CEP44: variants seen among roughly 807,000 people sequenced by gnomAD.
CEP44 encodes centrosomal protein 44, also known as centrosomal protein of 44 kDa.
CEP44 carries 45 observed loss-of-function variants against 46.7 expected under a neutral mutation model. The ratio of observed to expected loss-of-function variants is 0.96; its 90% CI spans 0.76 to 1.24. CEP44 has a LOEUF of 1.24. CEP44 is among the 50% of genes most tolerant of loss of function. The probability of loss-of-function intolerance (pLI) is 0.00; values close to 1 mark genes in which losing one functional copy is unlikely to be tolerated. For synonymous variants in CEP44, 142 were observed against 146.0 expected, an observed-to-expected ratio of 0.97 and a Z score of 0.20; for missense variants, 475 against 459.7, an observed-to-expected ratio of 1.03 and a Z score of -0.30.
intron 1 of CEP44, among the ~76,000 whole-genome samples, chr4:174,285,266 T>C (rs1042565448): frequency 1.3e-5 from 2 of 152,234 alleles, no homozygotes; most frequent in Non-Finnish European, 2.9e-5. Context: ...ACATAAGTAA[T>C]AGATTGGCTT....
chr4:174,322,411 T>C (rs1318528269), downstream of CEP44, among the ~76,000 whole-genome samples: 2 of 152,114 alleles, frequency 1.3e-5, no homozygotes, highest in African/African-American at 4.8e-5. Context: ...CTACTCATCA[T>C]AGGGGCTTCA....
At chr4:174,333,192 TAGAG>T (rs1731394260) in exon 9 of CEP44, 1 of 144,836 alleles carries the variant, frequency 6.9e-6, no homozygotes, top group South Asian at 2.3e-4. Flanking sequence ...GGTGGTTAAT[TAGAG>T]AGCGTAAAAG....
rs1276843053 is a variant in CEP44, at chr4:174,301,963, TTTC to T, written c.90-73_90-71del. 7.9e-7 allele frequency: 1 copy of T among 1,272,062 alleles called. No individual in the cohort carries two copies. Among genetic ancestry groups the T allele is most frequent in the African/African-American group, 1.5e-5 (1 of 65,554 alleles). The allele number at this position is 1,272,062 out of a possible 1,614,324, so 78.8% of individuals were successfully genotyped here. The stretch of plus-strand genomic sequence containing the variant: ...AAATTATTATAAACATTTCTAATAT[TTTC>T]TTGATTATCCAACTTTGTGGAATTA... On this transcript the variant is annotated intron_variant, in intron 3 of 11. Coordinates refer to ENST00000503780, the MANE Select transcript of CEP44 (RefSeq NM_001040157.3). This position sits in a 1 kb window ranked among gnomAD's most constrained non-coding sequence, Gnocchi z 4.3.
rs1281995758 is a variant in CEP44 at position 174,326,353 on chromosome 4, T to A, written c.1087-5129T>A. 6.6e-6 allele frequency among the ~76,000 whole-genome samples: 1 copy of A among 151,454 alleles called. No individual in the cohort carries two copies. Among genetic ancestry groups the A allele is most frequent in the Non-Finnish European group, 1.5e-5 (1 of 67,928 alleles). On this transcript the variant is annotated intron_variant, in intron 8 of 8. Coordinates refer to the CEP44 transcript ENST00000426172. The surrounding 1 kb of genome is among the most constrained non-coding windows in gnomAD (Gnocchi z 4.8). ...TTCAGTATATATATTTAACTTAATATAGGCTACCTTCAAATATTATACTAC... is the reference window on the plus strand; with the variant it reads ...TTCAGTATATATATTTAACTTAATAAAGGCTACCTTCAAATATTATACTAC...
chr4:174,285,396 T>G (rs966022432), intron 1 of CEP44: 4 of 152,260 alleles, frequency 2.6e-5, no homozygotes, highest in Middle Eastern at 3.4e-3. Context: ...TTAAATCCCT[T>G]TATTTTTCTG....
chr4:174,304,243 T>G lies in CEP44; in HGVS notation c.385-4T>G. The G allele has an allele frequency of 6.3e-7, 1 of 1,577,708 alleles. No homozygotes were observed. Among genetic ancestry groups the G allele is most frequent in the Non-Finnish European group, 8.5e-7 (1 of 1,170,626 alleles). On this transcript the variant is annotated splice_region_variant and splice_polypyrimidine_tract_variant and intron_variant, in intron 5 of 11. Transcript: ENST00000503780. ...GTTATTTTGACTAATACCTTTTTTT[T>G]TAGATTCCATCACAACAAAGAAAGA...
intron 1 of CEP44, among the ~76,000 whole-genome samples, chr4:174,294,599 C>T (rs1738638277): frequency 1.3e-5 from 2 of 152,058 alleles, no homozygotes; most frequent in East Asian, 3.9e-4. Context: ...AGAGGGGCTC[C>T]TCACTTCCCA....
chr4:174,300,273 G>A (rs1739561908), intron 3 of CEP44, among the ~76,000 whole-genome samples: 2 of 152,104 alleles, frequency 1.3e-5, no homozygotes, highest in South Asian at 2.1e-4. Flanking sequence ...AGGAGAGTAA[G>A]GAGAAAGTTT....
intron 1 of CEP44, chr4:174,285,444 A>G (rs1178024373): frequency 6.6e-6 from 1 of 152,116 alleles, no homozygotes; most frequent in Non-Finnish European, 1.5e-5. Flanking sequence ...CTCTGCTTGT[A>G]TTACTCTTCA....
chr4:174,320,756 G>T (rs940976613), downstream of CEP44, among the ~76,000 whole-genome samples: 2 of 151,210 alleles, frequency 1.3e-5, no homozygotes, highest in Non-Finnish European at 3.0e-5. Context: ...GGGGCAGCTT[G>T]TATCTTATTT....
In CEP44 at chr4:174,310,763, A is replaced by G. The variant is rs1159450556; in HGVS notation, c.886-20A>G. On this transcript the variant is annotated intron_variant, in intron 8 of 11. Coordinates refer to ENST00000503780, the MANE Select transcript of CEP44 (RefSeq NM_001040157.3). This position sits in a 1 kb window ranked among gnomAD's most constrained non-coding sequence, Gnocchi z 4.2. ...TTTTTCTTTTTATTTCATTCTAAAT[A>G]TTTAACTGTGTTATTCCAGAATGAT... The G allele has an allele frequency of 8.6e-7, 1 of 1,156,546 alleles. No homozygotes were observed. The highest frequency in any genetic ancestry group is 2.4e-5 in the East Asian group (1 of 41,886). 71.6% of individuals were successfully genotyped at this position (1,156,546 alleles called of 1,614,324 possible). A position where few individuals can be genotyped will look rare whatever the true frequency, so the allele number is the denominator to read the frequency against.
intron 4 of CEP44, among the ~76,000 whole-genome samples, chr4:174,302,419 T>C (rs2016155939): frequency 6.6e-6 from 1 of 152,200 alleles, no homozygotes; most frequent in Admixed American, 6.5e-5. Flanking sequence ...TGTTGTTGGC[T>C]ATTGTTTGCC....
At chr4:174,305,464 G>A (rs181883847) in intron 6 of CEP44, among the ~76,000 whole-genome samples, 2 of 152,070 alleles carry the variant, frequency 1.3e-5, no homozygotes, top group Admixed American at 1.3e-4. Flanking sequence ...AAAAAAATAT[G>A]TTTATTCCTT....
chr4:174,293,202 G>T (rs1452255628), intron 1 of CEP44, among the ~76,000 whole-genome samples: 5 of 152,216 alleles, frequency 3.3e-5, no homozygotes, highest in Admixed American at 3.3e-4. Flanking sequence ...AAGTCTTCCT[G>T]TGAGACCTTG....
At position 174,331,437 on chromosome 4, in the gene CEP44, C is replaced by G; in HGVS notation, c.1087-45C>G. On this transcript the variant is annotated intron_variant, in intron 8 of 8. Coordinates refer to the CEP44 transcript ENST00000426172. The surrounding 1 kb of genome is among the most constrained non-coding windows in gnomAD (Gnocchi z 4.5). ...TTCCTATCTACCCATTCTGCCAATG[C>G]ATTTAGATCATATTTTAATGTATAA... The G allele has an allele frequency of 6.5e-7, 1 of 1,543,998 alleles. No homozygotes were observed. Among genetic ancestry groups the G allele is most frequent in the Non-Finnish European group, 8.8e-7 (1 of 1,142,612 alleles).
downstream of CEP44, chr4:174,320,459 A>T (rs954503800): frequency 6.7e-6 from 2 of 299,706 alleles, 1 homozygote; most frequent in Non-Finnish European, 7.7e-6. Context: ...TAACATTGTA[A>T]CTTTGATTTT....
intron 3 of CEP44, 121 bp downstream of exon 3, chr4:174,299,331 A>G (rs556185774): frequency 1.5e-6 from 1 of 651,056 alleles, no homozygotes; most frequent in East Asian, 2.9e-5. Context: ...ATCTGCCTTG[A>G]AATGATTAAA....
In CEP44 at chr4:174,331,455, A is replaced by G; in HGVS notation, c.1087-27A>G. 6.5e-7 allele frequency: 1 copy of G among 1,550,194 alleles called. No individual in the cohort carries two copies. Among genetic ancestry groups the G allele is most frequent in the Non-Finnish European group, 8.7e-7 (1 of 1,146,254 alleles). On this transcript the variant is annotated intron_variant, in intron 8 of 8. Coordinates refer to the CEP44 transcript ENST00000426172. The surrounding 1 kb of genome is among the most constrained non-coding windows in gnomAD (Gnocchi z 4.5). The stretch of plus-strand genomic sequence containing the variant: ...GCCAATGCATTTAGATCATATTTTA[A>G]TGTATAATTTTGTGTTTCCTTTCTA...
chr4:174,317,967 G>C lies in CEP44; in HGVS notation c.*584G>C, dbSNP rs752724805. Reference sequence around the variant, plus strand: ...ATTCTCCTTTTGTACTGGGAAACAGGCTGGAGGACTATGGTCCTCAAGTTT... The same window carrying C: ...ATTCTCCTTTTGTACTGGGAAACAGCCTGGAGGACTATGGTCCTCAAGTTT... On this transcript the variant is annotated 3_prime_UTR_variant, in exon 12 of 12. Transcript: ENST00000503780. The C allele has an allele frequency of 8.1e-6, 8 of 985,220 alleles. No homozygotes were observed. The highest frequency in any genetic ancestry group is 8.4e-6 in the Non-Finnish European group (7 of 829,754). The allele number at this position is 985,220 out of a possible 1,614,324, so 61.0% of individuals were successfully genotyped here.
Sources: allele counts gnomAD v4.1 joint callset (sites outside exome capture counted in the v4.1 genomes callset), GRCh38; gene constraint gnomAD v4.1.1; non-coding constraint Gnocchi (gnomAD v3.1); transcripts MANE v1.5; gene names NCBI Gene and HGNC (gene_info 2026-07-23, HGNC 2026-07-21).